The following HIP1 variants were observed in gnomAD, a reference collection of about 807,000 sequenced individuals.
The protein encoded by HIP1 is huntingtin interacting protein 1.
In HIP1, 65 loss-of-function variants were observed where a neutral mutation model predicts 147.6. The observed-to-expected ratio is 0.44, with a 90% CI of 0.36 to 0.54. The LOEUF (loss-of-function observed/expected upper bound fraction) is 0.54. HIP1 is among the 20% of genes least tolerant of loss of function. The probability of loss-of-function intolerance (pLI) is 0.00; values close to 1 mark genes in which losing one functional copy is unlikely to be tolerated. For synonymous variants in HIP1, 479 were observed against 504.0 expected, an observed-to-expected ratio of 0.95 and a Z score of 0.67; for missense variants, 1,061 against 1,299.6, an observed-to-expected ratio of 0.82 and a Z score of 2.82.
intron 2 of HIP1, among the ~76,000 whole-genome samples, chr7:75,595,407 A>G (rs1168051942): frequency 6.6e-6 from 1 of 150,704 alleles, no homozygotes; most frequent in Non-Finnish European, 1.5e-5. Flanking sequence ...CAGTGGCACA[A>G]TCTTGGCTCA....
intron 1 of HIP1, chr7:75,625,357 A>G (rs1484785786): frequency 6.6e-6 from 1 of 152,526 alleles, no homozygotes; most frequent in African/African-American, 2.4e-5. Flanking sequence ...TGAGGTCTAG[A>G]TGGGGAGAAA....
rs1364383083 is a variant in HIP1, at chr7:75,619,057, G to A, written c.121-19810C>T. ...AGTGGTTCCCAGACTTGGCTAGGCC[G>A]GGATATCATCTGAGAATCCTGTACC... On this transcript the variant is annotated intron_variant, in intron 1 of 30. Coordinates refer to ENST00000336926, the MANE Select transcript of HIP1 (RefSeq NM_005338.7). Among the ~76,000 whole-genome samples, 8 of 152,022 alleles carry A rather than the reference G, an allele frequency of 5.3e-5. 1 individual carries two copies. Among genetic ancestry groups the A allele is most frequent in the Admixed American group, 6.6e-5 (1 of 15,242 alleles).
At chr7:75,678,156 C>T (rs1554516323) in intron 1 of HIP1, among the ~76,000 whole-genome samples, 1 of 152,000 alleles carries the variant, frequency 6.6e-6, no homozygotes, top group African/African-American at 2.4e-5. Context: ...CAACCAGTAC[C>T]TGGATCTGCT....
chr7:75,571,313 A>G (rs1174073090), intron 8 of HIP1, among the ~76,000 whole-genome samples: 1 of 152,178 alleles, frequency 6.6e-6, no homozygotes, highest in Non-Finnish European at 1.5e-5. Flanking sequence ...CAGGGGAAAC[A>G]ATGAAAAGTT....
intron 8 of HIP1, among the ~76,000 whole-genome samples, chr7:75,572,088 C>T (rs587659758): frequency 6.6e-6 from 1 of 152,120 alleles, no homozygotes; most frequent in African/African-American, 2.4e-5. Context: ...GCTGGGTGTG[C>T]CAGCACAGAC....
At chr7:75,603,515 G>C (rs1194876591) in intron 1 of HIP1, among the ~76,000 whole-genome samples, 1 of 152,078 alleles carries the variant, frequency 6.6e-6, no homozygotes, top group Non-Finnish European at 1.5e-5. Flanking sequence ...GGGAGGACAA[G>C]AATGACATGC....
At chr7:75,585,198 T>G (rs1299088534) in intron 5 of HIP1, among the ~76,000 whole-genome samples, 2 of 150,244 alleles carry the variant, frequency 1.3e-5, no homozygotes, top group Non-Finnish European at 3.0e-5. Context: ...TTTTTTTTTT[T>G]TTTTGAGATT....
chr7:75,589,451 G>A (rs1353213730), intron 4 of HIP1, among the ~76,000 whole-genome samples: 2 of 151,850 alleles, frequency 1.3e-5, no homozygotes, highest in South Asian at 2.1e-4. Context: ...TTGGGAGGCC[G>A]AGGAGGGAAG....
At position 75,547,740 on chromosome 7, in the gene HIP1, G is replaced by C. The variant is rs781828418; in HGVS notation, c.2465+15C>G. On this transcript the variant is annotated intron_variant, in intron 24 of 30. Transcript: ENST00000336926. ...ATCCTGCTCCCCTAGGTCCCACCAT[G>C]CCGCTCAGACCGACCTTTCATTCAC... 1.2e-6 allele frequency: 2 copies of C among 1,609,306 alleles called. No homozygotes were observed. The highest frequency in any genetic ancestry group is 3.3e-5 in the Admixed American group (2 of 59,994).
intron 1 of HIP1, among the ~76,000 whole-genome samples, chr7:75,685,250 C>CA (rs35925635): frequency 0.2 from 30,398 of 151,362 alleles, 3,355 homozygotes; most frequent in Middle Eastern, 0.35. Flanking sequence ...CCGTTTCTAC[C>CA]AAAAAAAACC....
At chr7:75,697,771 C>T (rs1187316614) in intron 1 of HIP1, among the ~76,000 whole-genome samples, 1 of 152,164 alleles carries the variant, frequency 6.6e-6, no homozygotes, top group African/African-American at 2.4e-5. Flanking sequence ...AAGACTGTGC[C>T]ACTACACTCC....
intron 1 of HIP1, among the ~76,000 whole-genome samples, chr7:75,694,697 A>C (rs575745681): frequency 6.6e-6 from 1 of 150,756 alleles, no homozygotes; most frequent in South Asian, 2.1e-4. Context: ...TTTTAAAGAA[A>C]TGGGGTCTCA....
chr7:75,603,138 GGAGTTCAA>G (rs1287817820), intron 1 of HIP1, among the ~76,000 whole-genome samples: 4 of 151,978 alleles, frequency 2.6e-5, no homozygotes, highest in African/African-American at 9.7e-5. Context: ...CCTGAGGTCA[GGAGTTCAA>G]GACCAGCCTG....
At chr7:75,734,038 G>A (rs1554523365) in intron 1 of HIP1, among the ~76,000 whole-genome samples, 2 of 151,930 alleles carry the variant, frequency 1.3e-5, no homozygotes, top group African/African-American at 4.8e-5. Flanking sequence ...CTGAGGTCAG[G>A]AGTTCGAGGC....
chr7:75,729,448 C>G (rs1801762225), intron 1 of HIP1, among the ~76,000 whole-genome samples: 1 of 151,544 alleles, frequency 6.6e-6, no homozygotes, highest in South Asian at 2.1e-4. Flanking sequence ...GATCGCATCA[C>G]TGCATTCCAG....
chr7:75,605,403 G>A (rs1321037542), intron 1 of HIP1, among the ~76,000 whole-genome samples: 1 of 152,166 alleles, frequency 6.6e-6, no homozygotes, highest in African/African-American at 2.4e-5. Flanking sequence ...GGCTGCGTGT[G>A]GGAGGCCAGT....
At chr7:75,545,395 A>C (rs185591517) in intron 25 of HIP1, among the ~76,000 whole-genome samples, 31 of 152,306 alleles carry the variant, frequency 2.0e-4, no homozygotes, top group African/African-American at 6.5e-4. Context: ...TAATCCCAGC[A>C]CTTTGGGAGG....
At chr7:75,681,120 T>C (rs2285869) in intron 1 of HIP1, among the ~76,000 whole-genome samples, 88,062 of 151,198 alleles carry the variant, frequency 0.58, 26,140 homozygotes, top group African/African-American at 0.69. Context: ...ACCATGTTGG[T>C]CAGGCTGGTC....
intron 7 of HIP1, among the ~76,000 whole-genome samples, chr7:75,579,377 C>T (rs1190905988): frequency 3.9e-5 from 6 of 151,910 alleles, no homozygotes; most frequent in South Asian, 4.2e-4. Context: ...CTGCAAACTC[C>T]GCCTCCTGAG....
Sources: allele counts gnomAD v4.1 joint callset (sites outside exome capture counted in the v4.1 genomes callset), GRCh38; gene constraint gnomAD v4.1.1; transcripts MANE v1.5; gene names NCBI Gene and HGNC (gene_info 2026-07-23, HGNC 2026-07-21).